Variants in ANO5 observed in about 807,000 individuals in gnomAD.
ANO5 encodes the protein anoctamin 5, also known as anoctamin-5.
Under a neutral mutation model 121.0 loss-of-function variants are expected in ANO5, and 109 were observed. That is an observed-to-expected ratio of 0.90 (90% CI 0.77 to 1.06). The LOEUF (loss-of-function observed/expected upper bound fraction) is 1.06, where lower values mean the gene tolerates loss of function less well. Ranked by LOEUF, ANO5 falls within the 50% of genes least tolerant of loss-of-function variation. The pLI is 0.00. For missense variants in ANO5, 1,064 were observed against 1,078.5 expected, an observed-to-expected ratio of 0.99 and a Z score of 0.19; for synonymous variants, 406 against 359.9, an observed-to-expected ratio of 1.13 and a Z score of -1.45.
chr11:22,279,623 G>T lies in ANO5; in HGVS notation c.2600G>T (p.Arg867Ile), dbSNP rs1223713660. ...AAAGATGTTGTGGAGAGAATCAAGA[G>T]AGAAAAGTTAATGACTATCAAGATT... ...VPKDVVERIK[R>I]EKLMTIKILH... Residue 867 changes from arginine to isoleucine, a missense_variant, in exon 22 of 22, where the codon AGA (arginine) becomes ATA (isoleucine). Arg to Ile is a moderately conservative substitution (Grantham distance 97). Transcript: ENST00000324559. 1.2e-6 allele frequency: 2 copies of T among 1,613,032 alleles called. No homozygotes were observed.
At position 22,262,205 on chromosome 11, in the gene ANO5, C is replaced by G. The variant is rs1415324050; in HGVS notation, c.1707C>G (p.Tyr569Ter). 6.2e-7 allele frequency: 1 copy of G among 1,613,852 alleles called. No homozygotes were observed. The highest frequency in any genetic ancestry group is 1.7e-5 in the Admixed American group (1 of 60,010). ...TCCTGTTTCAGTTTGTAAATTTTTA[C>G]TCATCCTGCTTCTACGTAGCTTTCT... ...KMFLFQFVNF[Y>*]SSCFYVAFFK... The change falls in exon 16 of 22, where the codon TAC (tyrosine) becomes TAG (stop). Residue 569 changes from tyrosine to a stop codon, truncating the protein, a stop_gained. Transcript: ENST00000324559. LOFTEE classifies it high-confidence loss of function.
At chr11:22,216,171 A>T (rs76040247) in intron 3 of ANO5, among the ~76,000 whole-genome samples, 1,646 of 151,918 alleles carry the variant, frequency 0.011, 40 homozygotes, top group African/African-American at 0.038. Context: ...GTTTTTAGAG[A>T]TGTATGTTTT....
At chr11:22,240,814 T>C (rs1853405197) in intron 9 of ANO5, among the ~76,000 whole-genome samples, 2 of 152,060 alleles carry the variant, frequency 1.3e-5, no homozygotes, top group South Asian at 4.1e-4. Flanking sequence ...GAAACATTTT[T>C]TTTTCTGAGA....
intron 9 of ANO5, among the ~76,000 whole-genome samples, chr11:22,240,083 G>T (rs760647059): frequency 6.6e-6 from 1 of 151,908 alleles, no homozygotes; most frequent in Admixed American, 6.6e-5. Flanking sequence ...TTTTAGCATA[G>T]GGGCTAACAC....
intron 1 of ANO5, among the ~76,000 whole-genome samples, chr11:22,201,595 A>G (rs1851965791): frequency 6.6e-6 from 1 of 152,060 alleles, no homozygotes; most frequent in South Asian, 2.1e-4. Context: ...ATAGAAGTTT[A>G]TTTGGTCCAT....
At chr11:22,218,131 A>ACACACACACACACACAG in intron 3 of ANO5, 115 bp from the exon 4 acceptor site, 1 of 1,106,498 alleles carries the variant, frequency 9.0e-7, no homozygotes, top group Non-Finnish European at 1.4e-6. Context: ...ACACACACAC[A>ACACACACACACACACAG]CACACACACT....
chr11:22,254,956 T>C (rs1853945573), intron 12 of ANO5, among the ~76,000 whole-genome samples: 3 of 152,112 alleles, frequency 2.0e-5, no homozygotes, highest in Non-Finnish European at 4.4e-5. Context: ...TTGGCTCTTA[T>C]GCTTCCTAGG....
At chr11:22,261,948 T>C (rs1442088154) in intron 15 of ANO5, among the ~76,000 whole-genome samples, 181 bp from the exon 16 acceptor site, 1 of 152,152 alleles carries the variant, frequency 6.6e-6, no homozygotes, top group Non-Finnish European at 1.5e-5. Context: ...TAATACAAAA[T>C]GTGTAACAGA....
intron 4 of ANO5, among the ~76,000 whole-genome samples, chr11:22,218,506 A>G (rs1306937420): frequency 6.6e-6 from 1 of 152,066 alleles, no homozygotes; most frequent in Non-Finnish European, 1.5e-5. Flanking sequence ...TCTCACACAT[A>G]CACGTAATTC....
rs1232646330 is a variant in ANO5 at position 22,282,986 on chromosome 11, T to C, written c.*3221T>C. On this transcript the variant is annotated 3_prime_UTR_variant, in exon 22 of 22. Coordinates refer to ENST00000324559, the MANE Select transcript of ANO5 (RefSeq NM_213599.3). Reference sequence around the variant, plus strand: ...ATGAGTCGGTATAACTACTGTGTTATTCTTTTTCTAGACAAATTTTGACTC... The same window carrying C: ...ATGAGTCGGTATAACTACTGTGTTACTCTTTTTCTAGACAAATTTTGACTC... 2 of 152,242 alleles carry C rather than the reference T, an allele frequency of 1.3e-5. No homozygotes were observed. The highest frequency in any genetic ancestry group is 1.3e-4 in the Admixed American group (2 of 15,284). 9.4% of individuals were successfully genotyped at this position (152,242 alleles called of 1,614,324 possible). A position where few individuals can be genotyped will look rare whatever the true frequency, so the allele number is the denominator to read the frequency against.
At chr11:22,193,652 C>A in intron 1 of ANO5, 120 bp downstream of exon 1, 1 of 1,262,562 alleles carries the variant, frequency 7.9e-7, no homozygotes, top group Non-Finnish European at 1.1e-6. Context: ...TAGGGAGGTT[C>A]GCTGCGTGGC....
At chr11:22,209,158 G>A (rs11828599) in intron 2 of ANO5, among the ~76,000 whole-genome samples, 7,168 of 151,818 alleles carry the variant, frequency 0.047, 555 homozygotes, top group African/African-American at 0.16. Context: ...TTTCATGATT[G>A]CTTAAATATT....
chr11:22,218,218 T>G, intron 3 of ANO5, 28 bp from the exon 4 acceptor site: 1 of 1,612,986 alleles, frequency 6.2e-7, no homozygotes, highest in Non-Finnish European at 8.5e-7. Context: ...GGGCAGGAAG[T>G]GCTAATTCTT....
intron 2 of ANO5, among the ~76,000 whole-genome samples, chr11:22,208,613 C>T (rs1190138546): frequency 6.6e-6 from 1 of 151,930 alleles, no homozygotes; most frequent in Non-Finnish European, 1.5e-5. Flanking sequence ...AGGGCTGGCT[C>T]TTACCCAATT....
intron 3 of ANO5, among the ~76,000 whole-genome samples, chr11:22,215,061 A>G (rs987184707): frequency 3.3e-5 from 5 of 152,012 alleles, no homozygotes; most frequent in African/African-American, 9.7e-5. Flanking sequence ...AAGAGAACCT[A>G]TCTTAGAGTG....
intron 7 of ANO5, among the ~76,000 whole-genome samples, chr11:22,232,994 CA>C (rs1331753325): frequency 1.3e-5 from 2 of 151,992 alleles, no homozygotes; most frequent in Non-Finnish European, 2.9e-5. Context: ...AGATAATACT[CA>C]TAGATACCCC....
In ANO5 at chr11:22,215,510, C is replaced by G. The variant is rs117403354; in HGVS notation, c.139-2736C>G. ...CTCCTCAACTTCACTTTTAAATATC[C>G]AAATGCTTTCTCAGCATATGCATAT... is the stretch of plus-strand genomic sequence containing the variant. On this transcript the variant is annotated intron_variant, in intron 3 of 21. Coordinates refer to ENST00000324559, the MANE Select transcript of ANO5 (RefSeq NM_213599.3). 4.2e-3 allele frequency among the ~76,000 whole-genome samples: 640 copies of G among 151,938 alleles called. 2 individuals carry two copies. Among genetic ancestry groups the G allele is most frequent in the Non-Finnish European group, 6.8e-3 (461 of 67,878 alleles).
At position 22,194,890 on chromosome 11, in the gene ANO5, T is replaced by C. The variant is rs180941557; in HGVS notation, c.40+1358T>C. Among the ~76,000 whole-genome samples the C allele has an allele frequency of 7.8e-3, 1,195 of 152,374 alleles. 13 individuals are homozygous for C. The highest frequency in any genetic ancestry group is 8.8e-3 in the Non-Finnish European group (600 of 68,034). On this transcript the variant is annotated intron_variant, in intron 1 of 21. Transcript: ENST00000324559. The stretch of plus-strand genomic sequence containing the variant: ...TTTGCTTCTATGAATAATGCTGCTA[T>C]GAACATTGATGTATCAGTTTTCATA...
chr11:22,248,346 A>G (rs2133696550), intron 9 of ANO5, among the ~76,000 whole-genome samples: 1 of 152,190 alleles, frequency 6.6e-6, no homozygotes, highest in East Asian at 1.9e-4. Flanking sequence ...TCTAAAAAAT[A>G]ATACTCAAAA....
Sources: gnomAD v4.1 joint callset for allele counts (sites outside exome capture counted in the v4.1 genomes callset) on GRCh38, gnomAD v4.1.1 for gene constraint, MANE v1.5 for transcripts, NCBI Gene and HGNC (gene_info 2026-07-23, HGNC 2026-07-21) for gene names.